The following MACF1 variants were observed in gnomAD, a reference collection of about 807,000 sequenced individuals.
The protein encoded by MACF1 is microtubule actin crosslinking factor 1, also known as microtubule-actin cross-linking factor 1.
MACF1 carries 193 observed loss-of-function variants against 854.8 expected under a neutral mutation model. The ratio of observed to expected loss-of-function variants is 0.23; its 90% confidence interval spans 0.20 to 0.25. The LOEUF (loss-of-function observed/expected upper bound fraction) is 0.25, where lower values mean the gene tolerates loss of function less well. MACF1 is among the 10% of genes least tolerant of loss of function. The probability of loss-of-function intolerance (pLI) is 1.00; values close to 1 mark genes in which losing one functional copy is unlikely to be tolerated. For synonymous variants in MACF1, 3,185 were observed against 3,226.7 expected (o/e 0.99, Z 0.44); for missense variants, 7,722 against 8,929.1 (o/e 0.86, Z 5.45).
rs537348135 is a variant in MACF1 at position 39,436,598 on chromosome 1, G to C, written c.17988+837G>C. The C allele has an allele frequency of 4.7e-4, 494 of 1,061,926 alleles. 2 individuals are homozygous for C. In the African/African-American group the frequency reaches 6.9e-3, roughly 15 times the overall value. The allele number at this position is 1,061,926 out of a possible 1,614,324, so 65.8% of individuals were successfully genotyped here. ...AACTTTAGTGGAATAAATTTAATTAGTGCAGTTTATTATGCCAGTTTCATT... is the reference window on the plus strand; with the variant it reads ...AACTTTAGTGGAATAAATTTAATTACTGCAGTTTATTATGCCAGTTTCATT... On this transcript the variant is annotated intron_variant, in intron 70 of 100. Transcript: ENST00000564288.
At chr1:39,336,835 A>G (rs969201427) in intron 37 of MACF1, among the ~76,000 whole-genome samples, 182 bp downstream of exon 37, 17 of 152,214 alleles carry the variant, frequency 1.1e-4, no homozygotes, top group African/African-American at 4.1e-4. Context: ...AGTTGTTGGA[A>G]AATTAGGCAT....
chr1:39,151,613 T>C (rs1234474282), intron 2 of MACF1, among the ~76,000 whole-genome samples: 2 of 152,244 alleles, frequency 1.3e-5, no homozygotes, highest in Non-Finnish European at 2.9e-5. Context: ...TGAAACACCC[T>C]GTTCCCCTCA....
chr1:39,211,488 G>A (rs1264870771), intron 1 of MACF1, among the ~76,000 whole-genome samples: 2 of 151,930 alleles, frequency 1.3e-5, no homozygotes, highest in Non-Finnish European at 2.9e-5. Flanking sequence ...TGCTGGTCTC[G>A]AACTCCTGGA....
intron 58 of MACF1, among the ~76,000 whole-genome samples, chr1:39,389,351 G>GTTTTTTTTTTTTTTTT (rs10588247): frequency 3.2e-5 from 2 of 63,470 alleles, no homozygotes; most frequent in Admixed American, 2.7e-4. Context: ...GTTTTTGTGT[G>GTTTTTTTTTTTTTTTT]TTTTTTTTTT....
chr1:39,352,718 C>T lies in MACF1; in HGVS notation c.11200-289C>T, dbSNP rs532418228. 1.2e-3 allele frequency among the ~76,000 whole-genome samples: 174 copies of T among 150,960 alleles called. 1 individual carries two copies. The South Asian group carries it at 0.013, about 11-fold the overall frequency. ...ATTTTTAGTAGAGATGGGGTTTCAC[C>T]GTGTTGACCAGGCTTGTCTCAAACT... is the stretch of plus-strand genomic sequence containing the variant. On this transcript the variant is annotated intron_variant, in intron 43 of 100. Transcript: ENST00000564288.
rs1326949359 is a variant in MACF1 at position 39,334,492 on chromosome 1, A to G, written c.7904A>G (p.Lys2635Arg). Residue 2635 changes from lysine (K) to arginine (R), a missense_variant, in exon 37 of 101, where the codon AAA becomes AGA. Physicochemically the swap from Lys to Arg is conservative, Grantham distance 26. This residue lies in a region of MACF1 where 1,531 missense variants were observed against 1,601.6 expected (regional missense o/e 0.96). Transcript: ENST00000564288. The part of the protein sequence containing the change: ...RIVPYSELVK[K>R]CKIDIESGQR... ...GTCCCCTACTCAGAATTAGTCAAGA[A>G]ATGTAAGATTGATATTGAATCTGGA... is the stretch of plus-strand genomic sequence containing the variant. 2 of 1,614,162 alleles carry G rather than the reference A, an allele frequency of 1.2e-6. No individual in the cohort carries two copies. Among genetic ancestry groups the G allele is most frequent in the South Asian group, 1.1e-5 (1 of 91,078 alleles).
chr1:39,397,101 A>G (rs1213619886), intron 58 of MACF1, among the ~76,000 whole-genome samples: 2 of 152,176 alleles, frequency 1.3e-5, no homozygotes, highest in Admixed American at 1.3e-4. Context: ...ATTCCTTTTA[A>G]CCCATCCTTA....
At chr1:39,379,697 C>T (rs1257884187) in intron 54 of MACF1, among the ~76,000 whole-genome samples, 1 of 152,206 alleles carries the variant, frequency 6.6e-6, no homozygotes, top group African/African-American at 2.4e-5. Flanking sequence ...ATAGCCCTCC[C>T]CAGAATCGTT....
chr1:39,344,734 A>G lies in MACF1; in HGVS notation c.10582-2243A>G, dbSNP rs113870345. Among the ~76,000 whole-genome samples the G allele has an allele frequency of 5.2e-3, 790 of 152,264 alleles. 6 individuals are homozygous for G. Among genetic ancestry groups the G allele is most frequent in the African/African-American group, 0.018 (730 of 41,566 alleles). On this transcript the variant is annotated intron_variant, in intron 40 of 100. Transcript: ENST00000564288. ...TTACCAGTCGAGCGTTTTTAGAGGAAGTTCATATACCAGTTTAAACTCTGC... is the reference window on the plus strand; with the variant it reads ...TTACCAGTCGAGCGTTTTTAGAGGAGGTTCATATACCAGTTTAAACTCTGC...
intron 2 of MACF1, among the ~76,000 whole-genome samples, chr1:39,093,611 G>A (rs763804023): frequency 2.1e-4 from 31 of 150,254 alleles, no homozygotes; most frequent in Middle Eastern, 3.3e-3. Flanking sequence ...TCAGCCTCCC[G>A]AGTAGCTGGG....
intron 80 of MACF1, among the ~76,000 whole-genome samples, chr1:39,446,785 C>G (rs1448005871): frequency 6.6e-6 from 1 of 152,066 alleles, no homozygotes; most frequent in East Asian, 1.9e-4. Flanking sequence ...TGAGGAGTAG[C>G]CTTTTCCCTG....
intron 2 of MACF1, among the ~76,000 whole-genome samples, chr1:39,159,695 G>T (rs1643757853): frequency 6.6e-6 from 1 of 152,202 alleles, no homozygotes; most frequent in South Asian, 2.1e-4. Flanking sequence ...AGAGAAAAAT[G>T]AATGAAATCT....
intron 2 of MACF1, among the ~76,000 whole-genome samples, chr1:39,115,621 A>C (rs1352768155): frequency 6.6e-6 from 1 of 152,180 alleles, no homozygotes; most frequent in Non-Finnish European, 1.5e-5. Flanking sequence ...TGTAATGAAC[A>C]TGAAACTTAG....
At chr1:39,372,998 C>G (rs2148540954) in intron 52 of MACF1, 1 of 212,748 alleles carries the variant, frequency 4.7e-6, no homozygotes, top group African/African-American at 2.4e-5. Flanking sequence ...TGGTGAAACC[C>G]CATCTCTACT....
Position 39,333,619 on chromosome 1 carries a change from T to G in MACF1, c.7031T>G (p.Leu2344Trp), listed in dbSNP as rs1221127553. Residue 2344 changes from leucine (L) to tryptophan (W), a missense_variant, in exon 37 of 101, where the codon TTG becomes TGG. Physicochemically the swap from Leu to Trp is moderately conservative, Grantham distance 61 (BLOSUM62 -2). This residue lies in a region of MACF1 where 1,531 missense variants were observed against 1,601.6 expected (regional missense o/e 0.96). Transcript: ENST00000564288. The part of the protein sequence containing the change: ...GFFDSQTCES[L>W]TTEEVINEGL... ...TTTGACTCTCAGACTTGTGAGTCTT[T>G]GACAACTGAAGAAGTCATTAATGAA... 1 of 1,614,204 alleles carries G rather than the reference T, an allele frequency of 6.2e-7. No individual in the cohort carries two copies. Among genetic ancestry groups the G allele is most frequent in the Admixed American group, 1.7e-5 (1 of 60,030 alleles).
chr1:39,144,607 T>C (rs1643421862), intron 2 of MACF1, among the ~76,000 whole-genome samples: 1 of 151,952 alleles, frequency 6.6e-6, no homozygotes, highest in African/African-American at 2.4e-5. Context: ...GAAGAACTAG[T>C]TTATATATCA....
At chr1:39,426,649 C>T (rs1011956874) in intron 61 of MACF1, among the ~76,000 whole-genome samples, 1 of 152,154 alleles carries the variant, frequency 6.6e-6, no homozygotes, top group Non-Finnish European at 1.5e-5. Flanking sequence ...TCTCTTAGCA[C>T]TTCTCTGGTC....
intron 6 of MACF1, among the ~76,000 whole-genome samples, chr1:39,277,113 A>G (rs1266749403): frequency 6.6e-6 from 1 of 151,622 alleles, no homozygotes; most frequent in African/African-American, 2.4e-5. Flanking sequence ...AAACATACAC[A>G]TACATTATGG....
At chr1:39,127,224 A>G (rs374073489) in intron 2 of MACF1, among the ~76,000 whole-genome samples, 12 of 152,218 alleles carry the variant, frequency 7.9e-5, no homozygotes, top group African/African-American at 2.4e-4. Context: ...CTCTATCTCA[A>G]AAAGAAAATA....
Sources: gnomAD v4.1 joint callset for allele counts (sites outside exome capture counted in the v4.1 genomes callset) on GRCh38, gnomAD v4.1.1 for gene constraint, gnomAD v4.1.1 regional missense constraint, MANE v1.5 for transcripts, NCBI Gene and HGNC (gene_info 2026-07-23, HGNC 2026-07-21) for gene names.